AXIN1: variants seen among roughly 807,000 people sequenced by gnomAD.
AXIN1 encodes the protein axin-1.
AXIN1 carries 30 observed loss-of-function variants against 76.4 expected under a neutral mutation model. That is an observed-to-expected ratio of 0.39 (90% CI 0.29 to 0.53). The LOEUF is 0.53. Ranked by LOEUF, AXIN1 falls within the 20% of genes least tolerant of loss-of-function variation. The probability of loss-of-function intolerance (pLI) is 0.66; values close to 1 mark genes in which losing one functional copy is unlikely to be tolerated. For synonymous variants in AXIN1, 545 were observed against 501.4 expected (o/e 1.09, Z -1.16); for missense variants, 1,140 against 1,198.8 (o/e 0.95, Z 0.72).
In AXIN1 at chr16:346,316, T is replaced by C. The variant is rs1407131413; in HGVS notation, c.710A>G (p.Tyr237Cys). Residue 237 changes from tyrosine (Y) to cysteine (C), a missense_variant, in exon 2 of 11, where the codon TAC becomes TGC. Tyr to Cys is a radical substitution (Grantham distance 194, BLOSUM62 -2). Coordinates refer to ENST00000262320, the MANE Select transcript of AXIN1 (RefSeq NM_003502.4). ...CTCATCTTCATTTAAGGTCGGCAGG[T>C]ATCCAGATATGCCCTTCCCTGTCCC... Reference protein sequence around the residue: ...GSGTGKGISGYLPTLNEDEEW... With the variant: ...GSGTGKGISGCLPTLNEDEEW... The C allele has an allele frequency of 1.2e-6, 2 of 1,614,210 alleles. No homozygotes were observed. The highest frequency in any genetic ancestry group is 1.7e-6 in the Non-Finnish European group (2 of 1,180,046).
intron 3 of AXIN1, 32 bp downstream of exon 3, chr16:314,511 G>A (rs376639515): frequency 3.0e-5 from 49 of 1,612,342 alleles, no homozygotes; most frequent in African/African-American, 1.5e-4. Flanking sequence ...ACTGCTGTCC[G>A]TGAGGGACTG....
intron 5 of AXIN1, 84 bp from the exon 6 acceptor site, chr16:298,335 A>G: frequency 6.5e-7 from 1 of 1,527,080 alleles, no homozygotes; most frequent in Non-Finnish European, 8.8e-7. Context: ...CTGACCCAGC[A>G]GCCCCAGCAG....
chr16:338,759 C>A (rs1262695123), intron 2 of AXIN1, among the ~76,000 whole-genome samples: 2 of 152,082 alleles, frequency 1.3e-5, no homozygotes. Flanking sequence ...CTTGTCTCTA[C>A]TAAAAATACA....
At chr16:310,480 T>C (rs2053148461) in intron 3 of AXIN1, among the ~76,000 whole-genome samples, 1 of 152,060 alleles carries the variant, frequency 6.6e-6, no homozygotes, top group Admixed American at 6.6e-5. Context: ...CACTGCAAGC[T>C]CCACCTCCCG....
chr16:337,657 T>TA (rs2053834481), intron 2 of AXIN1, among the ~76,000 whole-genome samples: 1 of 152,208 alleles, frequency 6.6e-6, no homozygotes. Context: ...CCTGGCCACC[T>TA]AGCCAGCTGA....
At chr16:301,731 C>T (rs2052878849) in intron 5 of AXIN1, among the ~76,000 whole-genome samples, 1 of 152,166 alleles carries the variant, frequency 6.6e-6, no homozygotes, top group Non-Finnish European at 1.5e-5. Flanking sequence ...AAATTACAGA[C>T]GGCCAACATG....
chr16:342,526 G>C (rs55670946), intron 2 of AXIN1, among the ~76,000 whole-genome samples: 3 of 152,028 alleles, frequency 2.0e-5, no homozygotes, highest in Non-Finnish European at 2.9e-5. Context: ...TGCATTACCC[G>C]CAGCCTTCCT....
intron 10 of AXIN1, 158 bp from the exon 11 acceptor site, chr16:288,406 G>T: frequency 9.1e-7 from 1 of 1,098,920 alleles, no homozygotes; most frequent in Admixed American, 2.0e-5. Flanking sequence ...GGGCAACAGT[G>T]AACAGTGCAA....
intron 9 of AXIN1, chr16:290,847 C>A (rs775884152): frequency 1.4e-5 from 6 of 417,084 alleles, no homozygotes; most frequent in Non-Finnish European, 2.3e-5. Context: ...CTGGCAGGGA[C>A]CGGCCCGTTC....
intron 2 of AXIN1, among the ~76,000 whole-genome samples, chr16:323,102 A>G (rs2053494278): frequency 6.6e-6 from 1 of 152,186 alleles, no homozygotes; most frequent in Admixed American, 6.5e-5. Context: ...AGCCTAGGCA[A>G]GAGGTCAAGA....
Position 312,491 on chromosome 16 carries a change from G to A in AXIN1, c.1019+2052C>T, listed in dbSNP as rs559430581. Among the ~76,000 whole-genome samples, 10 of 152,316 alleles carry A rather than the reference G, an allele frequency of 6.6e-5. No homozygotes were observed. In the South Asian group the frequency reaches 2.1e-3, roughly 32 times the overall value. On this transcript the variant is annotated intron_variant, in intron 3 of 10. Transcript: ENST00000262320. ...CAGGTTACTTTTTGTTGTAGTAACA[G>A]AGTTTTGGGGAAGAGGGAAACCAGA...
chr16:295,337 G>A (rs1033466563), intron 7 of AXIN1, among the ~76,000 whole-genome samples: 8 of 151,622 alleles, frequency 5.3e-5, no homozygotes, highest in Non-Finnish European at 7.4e-5. Flanking sequence ...CTCGAACTCC[G>A]GACCTCAAGC....
At chr16:289,133 G>C (rs369590127) in intron 10 of AXIN1, among the ~76,000 whole-genome samples, 3 of 151,522 alleles carry the variant, frequency 2.0e-5, no homozygotes, top group East Asian at 1.9e-4. Flanking sequence ...CTGTCACCCA[G>C]GCTGGAGAGC....
chr16:331,355 G>A (rs1306556918), intron 2 of AXIN1, among the ~76,000 whole-genome samples: 1 of 152,100 alleles, frequency 6.6e-6, no homozygotes, highest in Non-Finnish European at 1.5e-5. Context: ...AGGGATCCTG[G>A]AGCCCTTCCC....
Position 346,355 on chromosome 16 carries a change from T to C in AXIN1, c.671A>G (p.Gln224Arg). ...GSESPKVCSD[Q>R]SSGSGTGKGI... ...CTTCCCTGTCCCTGACCCAGAGCTC[T>C]GGTCACTACAGACTTTGGGGCTCTC... Residue 224 changes from glutamine to arginine, a missense_variant, in exon 2 of 11, where the codon CAG becomes CGG. Physicochemically the swap from Gln to Arg is conservative, Grantham distance 43. This residue lies in a region of AXIN1 where 708 missense variants were observed against 776.9 expected (regional missense o/e 0.91). Transcript: ENST00000262320. The C allele has an allele frequency of 1.9e-6, 3 of 1,614,186 alleles. No individual in the cohort carries two copies. Among genetic ancestry groups the C allele is most frequent in the Non-Finnish European group, 2.5e-6 (3 of 1,180,012 alleles).
chr16:305,780 G>A (rs1292794388), intron 4 of AXIN1, among the ~76,000 whole-genome samples: 2 of 152,180 alleles, frequency 1.3e-5, no homozygotes, highest in South Asian at 2.1e-4. Context: ...TCCTGACCTC[G>A]TGATCCGCCT....
In AXIN1 at chr16:291,311, C is replaced by T. The variant is rs375702072; in HGVS notation, c.2187-14G>A. The T allele has an allele frequency of 2.1e-5, 33 of 1,562,010 alleles. No homozygotes were observed. Among genetic ancestry groups the T allele is most frequent in the African/African-American group, 1.6e-4 (12 of 74,100 alleles). On this transcript the variant is annotated splice_polypyrimidine_tract_variant and intron_variant, in intron 8 of 10. Transcript: ENST00000262320. ...TCCTGCACATACCTAGGGAACAACC[C>T]GCGTCAAAGGTGGCTGTGCCGGCGG...
intron 10 of AXIN1, 78 bp from the exon 11 acceptor site, chr16:288,326 G>T (rs896759159): frequency 6.4e-7 from 1 of 1,573,680 alleles, no homozygotes; most frequent in African/African-American, 1.7e-5. Flanking sequence ...GGGACGGCGT[G>T]TCCACACCCC....
In AXIN1 at chr16:293,761, T is replaced by C; in HGVS notation, c.1956-43A>G. 1.9e-6 allele frequency: 3 copies of C among 1,574,154 alleles called. No individual in the cohort carries two copies. The highest frequency in any genetic ancestry group is 1.7e-6 in the Non-Finnish European group (2 of 1,147,860). On this transcript the variant is annotated intron_variant, in intron 7 of 10. Coordinates refer to ENST00000262320, the MANE Select transcript of AXIN1 (RefSeq NM_003502.4). The surrounding 1 kb of genome is among the most constrained non-coding windows in gnomAD (Gnocchi z 4.6). ...CAAGTTGTGACTGTGGCCGACACCC[T>C]GGCCAGGTGGCCTGGTGGGGCTACA...
Sources: gnomAD v4.1 joint callset for allele counts (sites outside exome capture counted in the v4.1 genomes callset) on GRCh38, gnomAD v4.1.1 for gene constraint, gnomAD v4.1.1 regional missense constraint, Gnocchi (gnomAD v3.1) non-coding constraint, MANE v1.5 for transcripts, NCBI Gene and HGNC (gene_info 2026-07-23, HGNC 2026-07-21) for gene names.